SPARCL1: variants seen among roughly 807,000 people sequenced by gnomAD.
The protein encoded by SPARCL1 is SPARC-like protein 1.
Under a neutral mutation model 67.1 loss-of-function variants are expected in SPARCL1, and 52 were observed. The ratio of observed to expected loss-of-function variants is 0.78; its 90% CI spans 0.62 to 0.98. The LOEUF (loss-of-function observed/expected upper bound fraction) is 0.98. Ranked by LOEUF, SPARCL1 falls within the 50% of genes least tolerant of loss-of-function variation. SPARCL1 has a pLI of 0.00. For synonymous variants in SPARCL1, 226 were observed against 267.8 expected (o/e 0.84, Z 1.52); for missense variants, 717 against 782.4 (o/e 0.92, Z 1.00).
At chr4:87,488,484 A>G (rs554330878) in intron 7 of SPARCL1, among the ~76,000 whole-genome samples, 4 of 152,110 alleles carry the variant, frequency 2.6e-5, no homozygotes, top group Admixed American at 6.5e-5. Context: ...CCAGAGGGGT[A>G]CCTGCTAGAT....
At position 87,476,661 on chromosome 4, in the gene SPARCL1, T is replaced by C. The variant is rs559766750; in HGVS notation, c.1966+2769A>G. Among the ~76,000 whole-genome samples, 36 of 152,336 alleles carry C rather than the reference T, an allele frequency of 2.4e-4. 1 individual carries two copies. The Middle Eastern group carries it at 0.02, about 86-fold the overall frequency. On this transcript the variant is annotated intron_variant, in intron 10 of 10. Coordinates refer to ENST00000282470, the MANE Select transcript of SPARCL1 (RefSeq NM_004684.6). ...ATTAGCATGGGTATGTGTCAATGCA[T>C]GGTATGCATGGGCACAAAATAAATG...
In SPARCL1 at chr4:87,494,201, C is replaced by T; in HGVS notation, c.599G>A (p.Gly200Glu). 1 of 1,614,060 alleles carries T rather than the reference C, an allele frequency of 6.2e-7. No homozygotes were observed. Among genetic ancestry groups the T allele is most frequent in the Non-Finnish European group, 8.5e-7 (1 of 1,180,028 alleles). ...TGGCTCTTTTTCTTCTTCCTCTTCT[C>T]CATTGGAAATATTTGGATCCTGCTC... ...NQEQDPNISN[G>E]EEEEEKEPGE... Residue 200 changes from glycine to glutamate, a missense_variant, in exon 4 of 11, where the codon GGA (glycine) becomes GAA (glutamate). Physicochemically the swap from Gly to Glu is moderately conservative, Grantham distance 98 (BLOSUM62 -2). Transcript: ENST00000282470.
intron 1 of SPARCL1, among the ~76,000 whole-genome samples, chr4:87,526,669 C>T (rs1726058107): frequency 6.6e-6 from 1 of 152,188 alleles, no homozygotes. Context: ...CTCTGCTGTG[C>T]TGCCTCAGAG....
At chr4:87,498,475 G>A (rs1417567253) in intron 2 of SPARCL1, among the ~76,000 whole-genome samples, 1 of 152,176 alleles carries the variant, frequency 6.6e-6, no homozygotes, top group Non-Finnish European at 1.5e-5. Context: ...AAAAAAATAT[G>A]GCACGAATCC....
chr4:87,511,565 G>A (rs1258599123), intron 1 of SPARCL1, among the ~76,000 whole-genome samples: 3 of 152,182 alleles, frequency 2.0e-5, no homozygotes, highest in Non-Finnish European at 4.4e-5. Context: ...CCTGGGGAGT[G>A]AAGATCATTA....
chr4:87,494,992 A>T lies in SPARCL1; in HGVS notation c.190T>A (p.Ser64Thr), dbSNP rs770386184. 6.2e-7 allele frequency: 1 copy of T among 1,603,666 alleles called. No individual in the cohort carries two copies. The highest frequency in any genetic ancestry group is 1.1e-5 in the South Asian group (1 of 87,932). The change falls in exon 3 of 11, where the codon TCC (serine) becomes ACC (threonine). Residue 64 changes from serine (S) to threonine (T), a missense_variant. Ser to Thr is a moderately conservative substitution (Grantham distance 58, BLOSUM62 1). Coordinates refer to ENST00000282470, the MANE Select transcript of SPARCL1 (RefSeq NM_004684.6). ...GATGTTACTTTTACCTTATGGTGGG[A>T]ATCGTCTTCTGTGGATACTGCTGTT... Reference protein sequence around the residue: ...KETAVSTEDDSHHKAEKSSVL... With the variant: ...KETAVSTEDDTHHKAEKSSVL...
At chr4:87,488,801 C>G (rs1724182875) in intron 7 of SPARCL1, among the ~76,000 whole-genome samples, 1 of 152,214 alleles carries the variant, frequency 6.6e-6, no homozygotes, top group Non-Finnish European at 1.5e-5. Context: ...GAGGAAGAAT[C>G]TAGAGAGGCA....
chr4:87,511,967 CTTTT>C (rs3037337), intron 1 of SPARCL1, among the ~76,000 whole-genome samples: 1 of 121,564 alleles, frequency 8.2e-6, no homozygotes, highest in Non-Finnish European at 1.6e-5. Context: ...CTTTCTTTCT[CTTTT>C]TTTTTTTTTT....
chr4:87,512,134 T>C (rs1725389699), intron 1 of SPARCL1, among the ~76,000 whole-genome samples: 1 of 151,856 alleles, frequency 6.6e-6, no homozygotes, highest in Non-Finnish European at 1.5e-5. Context: ...CCAGCTAATT[T>C]TTTTGTATTT....
Position 87,482,555 on chromosome 4 carries a change from G to C in SPARCL1, c.1537C>G (p.Pro513Ala). 1 of 1,613,858 alleles carries C rather than the reference G, an allele frequency of 6.2e-7. No individual in the cohort carries two copies. Among genetic ancestry groups the C allele is most frequent in the South Asian group, 1.1e-5 (1 of 91,066 alleles). Reference protein sequence around the residue: ...LDYFGACKSIPTCTDFEVIQF... With the variant: ...LDYFGACKSIATCTDFEVIQF... ...ATCACTTCAAAGTCCGTACAAGTAG[G>C]AATAGCTGTTACAAGCAGAAAATGT... Residue 513 changes from proline to alanine, a missense_variant, in exon 8 of 11, where the codon CCT (proline) becomes GCT (alanine). Coordinates refer to ENST00000282470, the MANE Select transcript of SPARCL1 (RefSeq NM_004684.6).
chr4:87,484,872 T>C (rs2110217459), intron 7 of SPARCL1, among the ~76,000 whole-genome samples: 1 of 152,292 alleles, frequency 6.6e-6, no homozygotes. Context: ...TGCTTGTCTG[T>C]TATTGGTATA....
intron 1 of SPARCL1, chr4:87,528,333 T>C (rs1347874191): frequency 6.6e-6 from 1 of 152,200 alleles, no homozygotes; most frequent in Non-Finnish European, 1.5e-5. Context: ...ATAATCTCTT[T>C]AGCTCTTTAA....
At chr4:87,480,886 T>C (rs1172041538) in intron 8 of SPARCL1, among the ~76,000 whole-genome samples, 4 of 151,652 alleles carry the variant, frequency 2.6e-5, no homozygotes, top group South Asian at 2.1e-4. Flanking sequence ...AGGTGATTAG[T>C]TAGTGAAAAG....
At chr4:87,501,632 T>C (rs1240218479) in intron 1 of SPARCL1, among the ~76,000 whole-genome samples, 1 of 152,114 alleles carries the variant, frequency 6.6e-6, no homozygotes. Context: ...TTTTCTTCTT[T>C]ATGGATGCTT....
chr4:87,509,988 C>T (rs939930996), intron 1 of SPARCL1, among the ~76,000 whole-genome samples: 2 of 152,110 alleles, frequency 1.3e-5, no homozygotes, highest in African/African-American at 4.8e-5. Flanking sequence ...ATAGATCCAA[C>T]CTGTACTGGT....
In SPARCL1 at chr4:87,486,335, T is replaced by A. The variant is rs532987683; in HGVS notation, c.1532-3775A>T. On this transcript the variant is annotated intron_variant, in intron 7 of 10. Coordinates refer to ENST00000282470, the MANE Select transcript of SPARCL1 (RefSeq NM_004684.6). ...AATTTCGTTATTTACCCAGTAGTCA[T>A]TCAGGAGCAGGTTGTTCAGTTTCCA... Among the ~76,000 whole-genome samples the A allele has an allele frequency of 5.1e-4, 78 of 152,294 alleles. No individual in the cohort carries two copies. In the Middle Eastern group the frequency reaches 0.01, roughly 20 times the overall value.
At chr4:87,474,745 T>TC (rs67979421) in intron 10 of SPARCL1, among the ~76,000 whole-genome samples, 11 of 62,950 alleles carry the variant, frequency 1.7e-4, no homozygotes, top group Middle Eastern at 8.8e-3. Context: ...CTCTCTCTCT[T>TC]TTTTTTTTTT....
intron 10 of SPARCL1, among the ~76,000 whole-genome samples, chr4:87,475,576 T>C (rs1032639798): frequency 6.6e-6 from 1 of 152,164 alleles, no homozygotes; most frequent in Admixed American, 6.5e-5. Flanking sequence ...AATCCTCAAA[T>C]ATGCATTTCA....
chr4:87,490,545 A>C (rs867552667), intron 6 of SPARCL1, 152 bp from the exon 7 acceptor site: 4 of 993,616 alleles, frequency 4.0e-6, no homozygotes, highest in Non-Finnish European at 5.9e-6. Flanking sequence ...TCCATTTGGC[A>C]TCAAAAAAAT....
Sources: gnomAD v4.1 joint callset for allele counts (sites outside exome capture counted in the v4.1 genomes callset) on GRCh38, gnomAD v4.1.1 for gene constraint, MANE v1.5 for transcripts, NCBI Gene and HGNC (gene_info 2026-07-23, HGNC 2026-07-21) for gene names.